Variants in CDH18 observed in about 807,000 individuals in gnomAD.
CDH18 encodes the protein cadherin-18.
CDH18 carries 31 observed loss-of-function variants against 67.9 expected under a neutral mutation model. The observed-to-expected ratio is 0.46, with a 90% CI of 0.34 to 0.62. The LOEUF is 0.62. Among genes scored for constraint, CDH18 ranks in the 20% least tolerant of loss-of-function variants. The probability of loss-of-function intolerance (pLI) is 0.01; values close to 1 mark genes in which losing one functional copy is unlikely to be tolerated. For missense variants in CDH18, 890 were observed against 975.5 expected (o/e 0.91, Z 1.17); for synonymous variants, 362 against 347.2 (o/e 1.04, Z -0.48).
At chr5:20,449,257 T>C (rs990087042) in intron 1 of CDH18, among the ~76,000 whole-genome samples, 1 of 152,174 alleles carries the variant, frequency 6.6e-6, no homozygotes. Flanking sequence ...ATCTGTTTTT[T>C]AAATTGGAAA....
chr5:20,432,795 C>A (rs1298644643), intron 1 of CDH18, among the ~76,000 whole-genome samples: 1 of 151,620 alleles, frequency 6.6e-6, no homozygotes, highest in Non-Finnish European at 1.5e-5. Flanking sequence ...AATACAGTTG[C>A]ATTCTGGGGT....
chr5:19,801,515 GCTTA>G (rs1331290748), intron 3 of CDH18, among the ~76,000 whole-genome samples: 1 of 152,032 alleles, frequency 6.6e-6, no homozygotes, highest in African/African-American at 2.4e-5. Context: ...TTTCAGATTG[GCTTA>G]CTTAATTGAT....
intron 2 of CDH18, among the ~76,000 whole-genome samples, chr5:20,213,132 T>G: frequency 6.6e-6 from 1 of 152,132 alleles, no homozygotes; most frequent in East Asian, 1.9e-4. Context: ...AACACTTACT[T>G]AAACACTTGG....
intron 1 of CDH18, among the ~76,000 whole-genome samples, chr5:20,257,470 T>G: frequency 8.3e-6 from 1 of 119,966 alleles, no homozygotes; most frequent in African/African-American, 3.3e-5. Context: ...TCATTTTATC[T>G]TGGCTCTATT....
chr5:19,800,795 GA>G (rs1023571328), intron 3 of CDH18, among the ~76,000 whole-genome samples: 4 of 151,764 alleles, frequency 2.6e-5, no homozygotes, highest in East Asian at 1.9e-4. Flanking sequence ...AAAATGGTAG[GA>G]AAAAAAATGG....
In CDH18 at chr5:20,046,411, A is replaced by C. The variant is rs532126341; in HGVS notation, c.-517-54397T>G. 2.0e-5 allele frequency among the ~76,000 whole-genome samples: 3 copies of C among 151,930 alleles called. No individual in the cohort carries two copies. In the East Asian group the frequency reaches 5.8e-4, roughly 29 times the overall value. The stretch of plus-strand genomic sequence containing the variant: ...TTAATTTTGACCACTGAGTGGAGAC[A>C]TCTAAGATGTTTGGTGCATATGGGC... On this transcript the variant is annotated intron_variant, in intron 2 of 14. Transcript: ENST00000507958.
intron 2 of CDH18, among the ~76,000 whole-genome samples, chr5:20,064,236 A>G (rs1032283548): frequency 4.6e-5 from 7 of 152,176 alleles, no homozygotes; most frequent in African/African-American, 1.7e-4. Context: ...TGTAAATGGA[A>G]AACACCATGG....
At chr5:19,667,872 C>G (rs1343382707) in intron 5 of CDH18, among the ~76,000 whole-genome samples, 1 of 151,754 alleles carries the variant, frequency 6.6e-6, no homozygotes, top group Non-Finnish European at 1.5e-5. Flanking sequence ...CAAACAAATG[C>G]CATTTACCAT....
At chr5:20,196,758 T>A (rs1561868553) in intron 2 of CDH18, among the ~76,000 whole-genome samples, 1 of 152,240 alleles carries the variant, frequency 6.6e-6, no homozygotes, top group African/African-American at 2.4e-5. Context: ...TACATTCCTA[T>A]GTTCTTCCAT....
intron 3 of CDH18, among the ~76,000 whole-genome samples, chr5:19,837,928 A>C (rs572532241): frequency 6.6e-6 from 1 of 152,182 alleles, no homozygotes; most frequent in Non-Finnish European, 1.5e-5. Context: ...ATTAATCAGA[A>C]GAAGGCCTCT....
chr5:19,796,323 G>A (rs1318988750), intron 3 of CDH18, among the ~76,000 whole-genome samples: 2 of 151,936 alleles, frequency 1.3e-5, no homozygotes, highest in African/African-American at 4.8e-5. Flanking sequence ...TTTTTTGAAA[G>A]CAGCCAGAGT....
chr5:19,840,750 T>C (rs1782219590), intron 2 of CDH18, among the ~76,000 whole-genome samples: 1 of 152,084 alleles, frequency 6.6e-6, no homozygotes, highest in Non-Finnish European at 1.5e-5. Context: ...TAAGCTTATT[T>C]AAAGAATATA....
rs183798595 is a variant in CDH18 at position 20,311,101 on chromosome 5, A to G, written c.-579-55596T>C. On this transcript the variant is annotated intron_variant, in intron 1 of 14. Transcript: ENST00000507958. ...GACCCTTAAAAAACAAAACAAAACA[A>G]AAACAAACAAAAAAAAGCCTTTCTA... Among the ~76,000 whole-genome samples, 45 of 152,260 alleles carry G rather than the reference A, an allele frequency of 3.0e-4. No homozygotes were observed. The South Asian group carries it at 8.5e-3, about 29-fold the overall frequency.
chr5:19,800,136 C>CTTTTT (rs879332870), intron 3 of CDH18, among the ~76,000 whole-genome samples: 78 of 152,110 alleles, frequency 5.1e-4, no homozygotes, highest in Non-Finnish European at 7.4e-4. Flanking sequence ...AAACCATATC[C>CTTTTT]TTAAAAACAC....
intron 1 of CDH18, among the ~76,000 whole-genome samples, chr5:20,540,009 T>C (rs1482369250): frequency 6.6e-6 from 1 of 152,192 alleles, no homozygotes; most frequent in Non-Finnish European, 1.5e-5. Flanking sequence ...ATAAACTGCC[T>C]AAAAGTTTTA....
chr5:20,441,388 G>T (rs568601239), intron 1 of CDH18, among the ~76,000 whole-genome samples: 1 of 151,694 alleles, frequency 6.6e-6, no homozygotes, highest in South Asian at 2.1e-4. Context: ...GTGTTTTCAC[G>T]TGTGTGTAAA....
intron 2 of CDH18, among the ~76,000 whole-genome samples, chr5:19,995,780 C>T (rs924461619): frequency 1.3e-5 from 2 of 151,896 alleles, no homozygotes; most frequent in African/African-American, 2.4e-5. Flanking sequence ...AGAGGCAAGT[C>T]ACAAATAAAC....
Position 19,503,128 on chromosome 5 carries a change from C to G in CDH18, c.1513-19G>C. The G allele has an allele frequency of 8.1e-7, 1 of 1,237,694 alleles. No homozygotes were observed. The highest frequency in any genetic ancestry group is 1.2e-6 in the Non-Finnish European group (1 of 844,806). 76.7% of individuals were successfully genotyped at this position (1,237,694 alleles called of 1,614,324 possible). On this transcript the variant is annotated intron_variant, in intron 10 of 12. Coordinates refer to ENST00000382275, the MANE Select transcript of CDH18 (RefSeq NM_004934.5). ...GAATAACCTAAAGAAAAGACAAACT[C>G]TAAATCGTAAATTTAATTTTGCTTG...
intron 9 of CDH18, among the ~76,000 whole-genome samples, chr5:19,540,902 C>A (rs1381938996): frequency 6.6e-6 from 1 of 152,196 alleles, no homozygotes; most frequent in Non-Finnish European, 1.5e-5. Context: ...TGGTGTTTAA[C>A]ATTTGGCTCC....
Sources: gnomAD v4.1 joint callset for allele counts (sites outside exome capture counted in the v4.1 genomes callset) on GRCh38, gnomAD v4.1.1 for gene constraint, MANE v1.5 for transcripts, NCBI Gene and HGNC (gene_info 2026-07-23, HGNC 2026-07-21) for gene names.